The following CYP2E1 variants were observed in gnomAD, a reference collection of about 807,000 sequenced individuals.
The protein encoded by CYP2E1 is cytochrome P450 family 2 subfamily E member 1.
In CYP2E1, 31 loss-of-function variants were observed where a neutral mutation model predicts 42.9. The observed-to-expected ratio is 0.72, with a 90% CI of 0.54 to 0.98. The LOEUF (loss-of-function observed/expected upper bound fraction) is 0.98. CYP2E1 is among the 50% of genes least tolerant of loss of function. The pLI is 0.00. For synonymous variants in CYP2E1, 244 were observed against 248.9 expected, an observed-to-expected ratio of 0.98 and a Z score of 0.19; for missense variants, 565 against 633.2, an observed-to-expected ratio of 0.89 and a Z score of 1.16.
chr10:133,527,536 G>T lies in CYP2E1; in HGVS notation c.141G>T (p.Gln47His). The T allele has an allele frequency of 6.2e-7, 1 of 1,613,236 alleles. No individual in the cohort carries two copies. The highest frequency in any genetic ancestry group is 8.5e-7 in the Non-Finnish European group (1 of 1,179,790). ...FPLPIIGNLF[Q>H]LELKNIPKSF... Reference sequence around the variant, plus strand: ...TTCCCATCATCGGGAACCTCTTCCAGTTGGAATTGAAGAATATTCCCAAGT... The same window carrying T: ...TTCCCATCATCGGGAACCTCTTCCATTTGGAATTGAAGAATATTCCCAAGT... Residue 47 changes from glutamine to histidine, a missense_variant, in exon 1 of 9, where the codon CAG (glutamine) becomes CAT (histidine). Gln to His is a conservative substitution (Grantham distance 24). Transcript: ENST00000252945.
chr10:133,528,725 A>G, intron 2 of CYP2E1, 85 bp downstream of exon 2: 1 of 1,497,390 alleles, frequency 6.7e-7, no homozygotes, highest in Admixed American at 1.8e-5. Flanking sequence ...GGCGATGGCC[A>G]AATAATAAAC....
At chr10:133,529,358 G>A (rs558388519) in intron 2 of CYP2E1, among the ~76,000 whole-genome samples, 7 of 152,288 alleles carry the variant, frequency 4.6e-5, no homozygotes, top group African/African-American at 1.2e-4. Context: ...GGCGGCTGCC[G>A]GCCGGCTCTC....
Position 133,528,609 on chromosome 10 carries a change from C to A in CYP2E1, c.306C>A (p.Asp102Glu). ...DYKDEFSGRG[D>E]LPAFHAHRDR... ...AGGACGAGTTCTCGGGCAGAGGCGA[C>A]CTCCCCGCGTTCCATGCGCACAGGG... Residue 102 changes from aspartate to glutamate, a missense_variant, in exon 2 of 9, where the codon GAC becomes GAA. Physicochemically the swap from Asp to Glu is conservative, Grantham distance 45. Coordinates refer to ENST00000252945, the MANE Select transcript of CYP2E1 (RefSeq NM_000773.4). 1.9e-6 allele frequency: 3 copies of A among 1,613,390 alleles called. No individual in the cohort carries two copies. Among genetic ancestry groups the A allele is most frequent in the Non-Finnish European group, 2.5e-6 (3 of 1,179,986 alleles).
At chr10:133,538,228 C>T (rs1476838442) in intron 8 of CYP2E1, among the ~76,000 whole-genome samples, 1 of 152,128 alleles carries the variant, frequency 6.6e-6, no homozygotes, top group African/African-American at 2.4e-5. Context: ...CCAATTCTCC[C>T]TAATTTTAAA....
chr10:133,530,124 A>G (rs1357488851), intron 2 of CYP2E1, among the ~76,000 whole-genome samples: 2 of 152,080 alleles, frequency 1.3e-5, no homozygotes, highest in East Asian at 1.9e-4. Flanking sequence ...TCATTTTCAT[A>G]TGACCCGCAG....
At chr10:133,531,518 C>T in intron 2 of CYP2E1, 67 bp from the exon 3 acceptor site, 2 of 1,574,100 alleles carry the variant, frequency 1.3e-6, no homozygotes, top group Non-Finnish European at 1.7e-6. Flanking sequence ...TCTCCAAGGC[C>T]CTCTGTAGCC....
At chr10:133,535,892 T>C (rs1477294258) in intron 6 of CYP2E1, among the ~76,000 whole-genome samples, 1 of 152,220 alleles carries the variant, frequency 6.6e-6, no homozygotes, top group Non-Finnish European at 1.5e-5. Context: ...ATGTGTTTAA[T>C]ATTTTACCTG....
chr10:133,530,517 GC>G (rs1231169546), intron 2 of CYP2E1, among the ~76,000 whole-genome samples: 1 of 152,094 alleles, frequency 6.6e-6, no homozygotes, highest in Non-Finnish European at 1.5e-5. Flanking sequence ...CCCCTCTCAG[GC>G]CGGACAGCCT....
At chr10:133,533,717 A>G (rs1851365314) in intron 5 of CYP2E1, 39 bp from the exon 6 acceptor site, 1 of 1,608,348 alleles carries the variant, frequency 6.2e-7, no homozygotes, top group Admixed American at 1.7e-5. Flanking sequence ...AAAGGAGACA[A>G]GCAGCCCCTT....
Position 133,528,468 on chromosome 10 carries a change from C to A in CYP2E1, c.178-13C>A. On this transcript the variant is annotated splice_polypyrimidine_tract_variant and intron_variant, in intron 1 of 8. Transcript: ENST00000252945. ...GCGCGGCGGGCCTGACTTCTAGCCA[C>A]GGGTCTCCGCAGTTGGCCCAGCGCT... is the stretch of plus-strand genomic sequence containing the variant. 1 of 1,611,642 alleles carries A rather than the reference C, an allele frequency of 6.2e-7. No individual in the cohort carries two copies. The highest frequency in any genetic ancestry group is 8.5e-7 in the Non-Finnish European group (1 of 1,179,110).
intron 3 of CYP2E1, 152 bp from the exon 4 acceptor site, chr10:133,531,972 C>T (rs1851343684): frequency 1.2e-6 from 1 of 822,476 alleles, no homozygotes; most frequent in Non-Finnish European, 1.9e-6. Context: ...GCAAAGGAAA[C>T]TCAAACAGGT....
At chr10:133,531,541 A>G in intron 2 of CYP2E1, 44 bp from the exon 3 acceptor site, 1 of 1,611,734 alleles carries the variant, frequency 6.2e-7, no homozygotes, top group Non-Finnish European at 8.5e-7. Flanking sequence ...TTTCTCCCCA[A>G]AATGGGTATT....
chr10:133,537,827 C>A lies in CYP2E1; in HGVS notation c.1232C>A (p.Pro411Gln). The change falls in exon 8 of 9, where the codon CCA becomes CAA. Residue 411 changes from proline (P) to glutamine (Q), a missense_variant. Pro to Gln is a moderately conservative substitution (Grantham distance 76). Transcript: ENST00000252945. ...QEFPDPEKFK[P>Q]EHFLNENGKF... Reference sequence around the variant, plus strand: ...TTTCCTGATCCAGAAAAGTTTAAGCCAGAACACTTCCTGAATGAAAATGGA... The same window carrying A: ...TTTCCTGATCCAGAAAAGTTTAAGCAAGAACACTTCCTGAATGAAAATGGA... 1.2e-6 allele frequency: 2 copies of A among 1,613,828 alleles called. No homozygotes were observed. The highest frequency in any genetic ancestry group is 1.7e-6 in the Non-Finnish European group (2 of 1,179,806).
chr10:133,531,556 A>G, intron 2 of CYP2E1, 29 bp from the exon 3 acceptor site: 2 of 1,613,682 alleles, frequency 1.2e-6, no homozygotes, highest in Non-Finnish European at 1.7e-6. Flanking sequence ...GGTATTTAGA[A>G]TAACCTTCTG....
chr10:133,527,495 C>A lies in CYP2E1; in HGVS notation c.100C>A (p.Pro34Thr), dbSNP rs1484033642. 2 of 1,613,674 alleles carry A rather than the reference C, an allele frequency of 1.2e-6. No individual in the cohort carries two copies. The highest frequency in any genetic ancestry group is 8.5e-7 in the Non-Finnish European group (1 of 1,179,968). Residue 34 changes from proline to threonine, a missense_variant, in exon 1 of 9, where the codon CCA becomes ACA. Pro to Thr is a conservative substitution (Grantham distance 38). Transcript: ENST00000252945. ...RQVHSSWNLP[P>T]GPFPLPIIGN... ...GGTGCACAGCAGCTGGAATCTGCCC[C>A]CAGGCCCTTTCCCGCTTCCCATCAT...
At chr10:133,531,384 A>G (rs1286272617) in intron 2 of CYP2E1, among the ~76,000 whole-genome samples, 1 of 152,126 alleles carries the variant, frequency 6.6e-6, no homozygotes, top group African/African-American at 2.4e-5. Context: ...GACCCCAGAA[A>G]GGCTCCTCCC....
chr10:133,536,406 TGGACGGAC>T (rs1482849617), intron 6 of CYP2E1, among the ~76,000 whole-genome samples: 1 of 147,408 alleles, frequency 6.8e-6, no homozygotes, highest in Non-Finnish European at 1.5e-5. Context: ...GGTGGGTGGA[TGGACGGAC>T]GGATGGATGG....
chr10:133,533,612 C>T (rs1589955303), intron 5 of CYP2E1, 144 bp from the exon 6 acceptor site: 1 of 932,228 alleles, frequency 1.1e-6, no homozygotes, highest in East Asian at 2.5e-5. Flanking sequence ...ATGACTCTGT[C>T]TGTCACAGCT....
intron 5 of CYP2E1, 99 bp from the exon 6 acceptor site, chr10:133,533,657 C>A: frequency 2.2e-6 from 3 of 1,365,222 alleles, no homozygotes; most frequent in Non-Finnish European, 3.0e-6. Flanking sequence ...GCCTCTTGGA[C>A]ACTGTCTCCT....
Sources: gnomAD v4.1 joint callset for allele counts (sites outside exome capture counted in the v4.1 genomes callset) on GRCh38, gnomAD v4.1.1 for gene constraint, MANE v1.5 for transcripts, NCBI Gene and HGNC (gene_info 2026-07-23, HGNC 2026-07-21) for gene names.